Variants in USP7 observed in about 807,000 individuals in gnomAD.
The protein encoded by USP7 is ubiquitin specific peptidase 7, also known as ubiquitin C-terminal hydrolase 7.
Under a neutral mutation model 162.9 loss-of-function variants are expected in USP7, and 9 were observed. The observed-to-expected ratio is 0.06, with a 90% confidence interval of 0.03 to 0.10. The LOEUF is 0.10. Ranked by LOEUF, USP7 falls within the 10% of genes least tolerant of loss-of-function variation. USP7 has a pLI of 1.00. For missense variants in USP7, 715 were observed against 1,373.7 expected, an observed-to-expected ratio of 0.52 and a Z score of 7.58; for synonymous variants, 562 against 475.9, an observed-to-expected ratio of 1.18 and a Z score of -2.35.
chr16:8,921,499 G>C (rs988380708), intron 3 of USP7, among the ~76,000 whole-genome samples: 1 of 152,246 alleles, frequency 6.6e-6, no homozygotes, highest in Non-Finnish European at 1.5e-5. Flanking sequence ...GTATTCTGTA[G>C]TGATTTCACT....
rs371809949 is a variant in USP7 at position 8,895,751 on chromosome 16, G to C, written c.2820-10C>G. 6 of 1,578,326 alleles carry C rather than the reference G, an allele frequency of 3.8e-6. No individual in the cohort carries two copies. The highest frequency in any genetic ancestry group is 5.2e-6 in the Non-Finnish European group (6 of 1,164,350). On this transcript the variant is annotated splice_polypyrimidine_tract_variant and intron_variant, in intron 26 of 30. Transcript: ENST00000344836. ...TACAATTTCTAGCAGCCTGAACAGA[G>C]AGGAAAAAAAAATAGGGCAAAATGA...
At chr16:8,907,220 A>G (rs921932773) in intron 12 of USP7, among the ~76,000 whole-genome samples, 4 of 152,240 alleles carry the variant, frequency 2.6e-5, no homozygotes, top group African/African-American at 9.6e-5. Flanking sequence ...AAATCTCACA[A>G]TTTAAAAAAT....
intron 14 of USP7, 74 bp downstream of exon 14, chr16:8,905,113 G>A (rs1416668385): frequency 2.3e-5 from 35 of 1,537,748 alleles, no homozygotes; most frequent in Non-Finnish European, 3.1e-5. Context: ...GACAGAAAAG[G>A]ATATTGGAGA....
intron 11 of USP7, 59 bp from the exon 12 acceptor site, chr16:8,908,509 G>A: frequency 1.4e-6 from 2 of 1,438,458 alleles, no homozygotes; most frequent in Non-Finnish European, 1.9e-6. Context: ...TGGAAGCAAT[G>A]AAAGCAACAG....
At chr16:8,905,423 T>C in intron 13 of USP7, 92 bp from the exon 14 acceptor site, 1 of 1,486,176 alleles carries the variant, frequency 6.7e-7, no homozygotes, top group Non-Finnish European at 9.3e-7. Context: ...TGTGTGAACT[T>C]CTAGGTATGC....
intron 2 of USP7, among the ~76,000 whole-genome samples, chr16:8,927,893 C>T (rs1403338387): frequency 2.6e-5 from 4 of 152,060 alleles, no homozygotes; most frequent in African/African-American, 9.7e-5. Flanking sequence ...GCCTATAATC[C>T]CAACACATTG....
chr16:8,944,843 T>C (rs541088328), intron 1 of USP7, among the ~76,000 whole-genome samples: 1 of 152,274 alleles, frequency 6.6e-6, no homozygotes, highest in East Asian at 1.9e-4. Flanking sequence ...CAGTGGCTCA[T>C]GCCTGTGATC....
intron 10 of USP7, among the ~76,000 whole-genome samples, chr16:8,911,919 C>A (rs927082613): frequency 1.3e-5 from 2 of 152,184 alleles, no homozygotes; most frequent in African/African-American, 4.8e-5. Flanking sequence ...TCCCACCAGC[C>A]ACCGTGGAAA....
intron 1 of USP7, among the ~76,000 whole-genome samples, chr16:8,944,071 A>G (rs1290429756): frequency 6.6e-6 from 1 of 152,192 alleles, no homozygotes; most frequent in African/African-American, 2.4e-5. Flanking sequence ...ACAAAAAAGG[A>G]TGAACTGGGA....
intron 10 of USP7, among the ~76,000 whole-genome samples, chr16:8,913,504 C>T (rs2061981518): frequency 6.6e-6 from 1 of 152,002 alleles, no homozygotes; most frequent in African/African-American, 2.4e-5. Context: ...AGCAAGAAGA[C>T]GGTAGAACGT....
chr16:8,908,052 A>G (rs2061888271), intron 12 of USP7, among the ~76,000 whole-genome samples: 1 of 152,244 alleles, frequency 6.6e-6, no homozygotes, highest in East Asian at 1.9e-4. Context: ...AGAGCTGTGA[A>G]GCAGAAACAG....
chr16:8,920,332 A>C (rs776634188), intron 5 of USP7, 27 bp downstream of exon 5: 2 of 1,585,118 alleles, frequency 1.3e-6, no homozygotes, highest in Admixed American at 1.8e-5. Context: ...GACATTTTTA[A>C]CAGCACCTGA....
At chr16:8,897,506 T>C in intron 25 of USP7, among the ~76,000 whole-genome samples, 1 of 151,724 alleles carries the variant, frequency 6.6e-6, no homozygotes, top group East Asian at 1.9e-4. Flanking sequence ...AGGCTATTTA[T>C]GTCTCGAATT....
At chr16:8,932,619 AAGAG>A (rs35081784) in intron 1 of USP7, among the ~76,000 whole-genome samples, 96,795 of 151,708 alleles carry the variant, frequency 0.64, 33,671 homozygotes, top group East Asian at 0.87. Context: ...AAATTTAAAA[AAGAG>A]AAAGAAAAGA....
chr16:8,897,511 C>T (rs1482866648), intron 25 of USP7, among the ~76,000 whole-genome samples: 1 of 151,396 alleles, frequency 6.6e-6, no homozygotes, highest in Non-Finnish European at 1.5e-5. Flanking sequence ...ATTTATGTCT[C>T]GAATTTTCCC....
intron 30 of USP7, 55 bp downstream of exon 30, chr16:8,894,495 A>T: frequency 1.3e-6 from 2 of 1,576,468 alleles, no homozygotes; most frequent in Non-Finnish European, 1.7e-6. Flanking sequence ...GCCCCAGACC[A>T]CTTGTTTCTT....
intron 26 of USP7, 138 bp downstream of exon 26, chr16:8,896,861 A>C (rs1347383518): frequency 1.4e-6 from 1 of 733,504 alleles, no homozygotes. Flanking sequence ...TGTCTTTGCA[A>C]TGGAGGCACA....
At chr16:8,936,979 C>T (rs1045879712) in intron 1 of USP7, among the ~76,000 whole-genome samples, 2 of 152,072 alleles carry the variant, frequency 1.3e-5, no homozygotes, top group Non-Finnish European at 2.9e-5. Flanking sequence ...GGCACACAGG[C>T]GCTCTGTCAT....
intron 21 of USP7, 167 bp from the exon 22 acceptor site, chr16:8,899,924 A>T (rs2061747230): frequency 1.3e-6 from 1 of 780,054 alleles, no homozygotes; most frequent in Admixed American, 2.6e-5. Flanking sequence ...TCCCTCTGTA[A>T]GCGAGGCAAG....
Sources: gnomAD v4.1 joint callset for allele counts (sites outside exome capture counted in the v4.1 genomes callset) on GRCh38, gnomAD v4.1.1 for gene constraint, MANE v1.5 for transcripts, NCBI Gene and HGNC (gene_info 2026-07-23, HGNC 2026-07-21) for gene names.